KRT28: variants seen among roughly 807,000 people sequenced by gnomAD.
KRT28 encodes keratin 28.
A neutral mutation model predicts 48.1 loss-of-function variants in KRT28; 45 were observed. That is an observed-to-expected ratio of 0.94 (90% CI 0.74 to 1.20). The LOEUF is 1.20. KRT28 is among the 50% of genes most tolerant of loss of function. KRT28 has a pLI of 0.00. For synonymous variants in KRT28, 228 were observed against 227.4 expected, an observed-to-expected ratio of 1.00 and a Z score of -0.03; for missense variants, 571 against 574.1, an observed-to-expected ratio of 0.99 and a Z score of 0.06.
In KRT28 at chr17:40,799,592, A is replaced by G; in HGVS notation, c.302T>C (p.Leu101Pro). 6.2e-7 allele frequency: 1 copy of G among 1,614,170 alleles called. No homozygotes were observed. Among genetic ancestry groups the G allele is most frequent in the Non-Finnish European group, 8.5e-7 (1 of 1,180,018 alleles). Reference sequence around the variant, plus strand: ...CTCCTCCAGAGCTCGCACATTATCCAGGTAGGATGCCAAGCGGTCATTAAG... The same window carrying G: ...CTCCTCCAGAGCTCGCACATTATCCGGGTAGGATGCCAAGCGGTCATTAAG... The part of the protein sequence containing the change: ...QNLNDRLASY[L>P]DNVRALEEAN... Residue 101 changes from leucine (L) to proline (P), a missense_variant, in exon 1 of 8, where the codon CTG becomes CCG. Physicochemically the swap from Leu to Pro is moderately conservative, Grantham distance 98. Transcript: ENST00000306658.
intron 2 of KRT28, 140 bp from the exon 3 acceptor site, chr17:40,798,531 T>G: frequency 1.2e-6 from 1 of 854,026 alleles, no homozygotes; most frequent in Non-Finnish European, 1.7e-6. Flanking sequence ...AAGAAAGCGC[T>G]CCTGCATTAC....
intron 2 of KRT28, 32 bp from the exon 3 acceptor site, chr17:40,798,423 A>G (rs1331850735): frequency 1.3e-6 from 2 of 1,581,564 alleles, no homozygotes; most frequent in East Asian, 2.3e-5. Context: ...TTTCAGTGCC[A>G]GTAAGACTAC....
intron 3 of KRT28, among the ~76,000 whole-genome samples, chr17:40,797,972 C>T (rs1472028680): frequency 2.0e-5 from 3 of 152,150 alleles, no homozygotes; most frequent in South Asian, 2.1e-4. Context: ...CCCTCATAGG[C>T]ATTCATCCTA....
In KRT28 at chr17:40,798,237, C is replaced by G; in HGVS notation, c.688G>C (p.Glu230Gln). The part of the protein sequence containing the change: ...EMTYLKKNHE[E>Q]EMKALQCAAG... The stretch of plus-strand genomic sequence containing the variant: ...ACTACAGGTAAAGCTTCTCCTACCT[C>G]TTCGTGGTTCTTTTTGAGATATGTC... Residue 230 changes from glutamate (E) to glutamine (Q), a missense_variant and splice_region_variant, in exon 3 of 8, where the codon GAG becomes CAG. Glu to Gln is a conservative substitution (Grantham distance 29). Transcript: ENST00000306658. 1 of 1,602,456 alleles carries G rather than the reference C, an allele frequency of 6.2e-7. No individual in the cohort carries two copies. Among genetic ancestry groups the G allele is most frequent in the Non-Finnish European group, 8.5e-7 (1 of 1,170,124 alleles).
In KRT28 at chr17:40,793,997, G is replaced by A. The variant is rs776024934; in HGVS notation, c.1028C>T (p.Thr343Met). ...CTGAGCCTGGATCTGCGCCAGCTGC[G>A]TACAGTAGTTGCTCTCGGTCTCTGT... ...SLTETESNYC[T>M]QLAQIQAQIG... The change falls in exon 6 of 8, where the codon ACG becomes ATG. Residue 343 changes from threonine to methionine, a missense_variant. Physicochemically the swap from Thr to Met is moderately conservative, Grantham distance 81. Coordinates refer to ENST00000306658, the MANE Select transcript of KRT28 (RefSeq NM_181535.3). The A allele has an allele frequency of 6.8e-6, 11 of 1,613,792 alleles. No homozygotes were observed. Among genetic ancestry groups the A allele is most frequent in the East Asian group, 4.5e-5 (2 of 44,886 alleles).
At position 40,799,722 on chromosome 17, in the gene KRT28, C is replaced by T; in HGVS notation, c.172G>A (p.Gly58Ser). The change falls in exon 1 of 8, where the codon GGT (glycine) becomes AGT (serine). Residue 58 changes from glycine (G) to serine (S), a missense_variant. Physicochemically the swap from Gly to Ser is moderately conservative, Grantham distance 56. Coordinates refer to ENST00000306658, the MANE Select transcript of KRT28 (RefSeq NM_181535.3). The part of the protein sequence containing the change: ...ALGGGLGSVP[G>S]GSHAGGALGN... ...AGGGCACCACCAGCATGGCTCCCACCAGGAACACTGCCCAAGCCCCCTCCC... is the reference window on the plus strand; with the variant it reads ...AGGGCACCACCAGCATGGCTCCCACTAGGAACACTGCCCAAGCCCCCTCCC... 4 of 1,614,052 alleles carry T rather than the reference C, an allele frequency of 2.5e-6. No homozygotes were observed. The highest frequency in any genetic ancestry group is 1.3e-5 in the African/African-American group (1 of 74,990).
Position 40,798,361 on chromosome 17 carries a change from G to A in KRT28, c.564C>T (p.Asn188=), listed in dbSNP as rs760078157. ...KYENELTLHQ[N]VEADINGLRR... is the part of the protein sequence containing the mutation. ...GTAATCCGTTGATGTCGGCCTCTAC[G>A]TTTTGGTGAAGGGTGAGCTCATTTT... Residue 188 remains asparagine, a synonymous_variant, in exon 3 of 8, where the codon AAC becomes AAT. Transcript: ENST00000306658. 37 of 1,611,466 alleles carry A rather than the reference G, an allele frequency of 2.3e-5. No homozygotes were observed. The highest frequency in any genetic ancestry group is 3.0e-5 in the Non-Finnish European group (35 of 1,178,596).
intron 5 of KRT28, among the ~76,000 whole-genome samples, chr17:40,794,706 G>A (rs955093311): frequency 1.3e-5 from 2 of 151,986 alleles, no homozygotes; most frequent in African/African-American, 4.8e-5. Context: ...ATTTGTCTTG[G>A]CACCTGCTGC....
intron 6 of KRT28, 116 bp from the exon 7 acceptor site, chr17:40,793,326 A>G: frequency 1.7e-6 from 1 of 584,374 alleles, no homozygotes; most frequent in South Asian, 2.9e-5. Flanking sequence ...TTTTCTATAG[A>G]GGAAACTCTT....
chr17:40,796,498 A>G (rs912224132), intron 5 of KRT28, among the ~76,000 whole-genome samples: 6 of 152,026 alleles, frequency 3.9e-5, no homozygotes, highest in African/African-American at 1.4e-4. Flanking sequence ...GGCTTCTAAT[A>G]TGTCTTCATC....
rs772378589 is a variant in KRT28 at position 40,798,272 on chromosome 17, C to G, written c.653G>C (p.Ser218Thr). 1.9e-6 allele frequency: 3 copies of G among 1,612,462 alleles called. No individual in the cohort carries two copies. In the South Asian group the frequency reaches 3.3e-5, roughly 18 times the overall value. The change falls in exon 3 of 8, where the codon AGT (serine) becomes ACT (threonine). Residue 218 changes from serine (S) to threonine (T), a missense_variant. Physicochemically the swap from Ser to Thr is moderately conservative, Grantham distance 58. Transcript: ENST00000306658. ...CTTTTTGAGATATGTCATCTCCTCA[C>G]TCAGAGACTCATATTGCAGCTCCTG... is the stretch of plus-strand genomic sequence containing the variant. Reference protein sequence around the residue: ...TDQELQYESLSEEMTYLKKNH... With the variant: ...TDQELQYESLTEEMTYLKKNH...
Position 40,797,258 on chromosome 17 carries a change from C to T in KRT28, c.714G>A (p.Ala238=), listed in dbSNP as rs750827956. ...HEEEMKALQC[A]AGGNVNVEMN... The stretch of plus-strand genomic sequence containing the variant: ...TCTCCACGTTCACGTTGCCCCCAGC[C>T]GCGCACTGCAGAGCCTTCATCTCCT... Residue 238 remains alanine (A), a synonymous_variant, in exon 4 of 8, where the codon GCG becomes GCA. Transcript: ENST00000306658. The T allele has an allele frequency of 1.4e-5, 22 of 1,613,794 alleles. No individual in the cohort carries two copies. The highest frequency in any genetic ancestry group is 4.4e-5 in the South Asian group (4 of 91,058).
intron 6 of KRT28, 50 bp downstream of exon 6, chr17:40,793,779 T>A: frequency 6.3e-7 from 1 of 1,581,020 alleles, no homozygotes. Flanking sequence ...GCAGCCCACA[T>A]TTGTAGCTTA....
At position 40,793,766 on chromosome 17, in the gene KRT28, T is replaced by C. The variant is rs973789551; in HGVS notation, c.1196+63A>G. The C allele has an allele frequency of 9.3e-6, 14 of 1,508,806 alleles. No homozygotes were observed. In the African/African-American group the frequency reaches 1.7e-4, roughly 18 times the overall value. 93.5% of individuals were successfully genotyped at this position (1,508,806 alleles called of 1,614,324 possible). ...AAGGCTTGGAAGTATGGAAGGCTAA[T>C]GGGCAGCCCACATTTGTAGCTTAAA... On this transcript the variant is annotated intron_variant, in intron 6 of 7. Coordinates refer to ENST00000306658, the MANE Select transcript of KRT28 (RefSeq NM_181535.3).
At position 40,792,347 on chromosome 17, in the gene KRT28, G is replaced by A. The variant is rs1482977710; in HGVS notation, c.*80C>T. On this transcript the variant is annotated 3_prime_UTR_variant, in exon 8 of 8. Coordinates refer to ENST00000306658, the MANE Select transcript of KRT28 (RefSeq NM_181535.3). ...TAATGTATCTTTAAAAGTAAAAAGTGTGTATATTCTCTCTGATATTTAGAA... is the reference window on the plus strand; with the variant it reads ...TAATGTATCTTTAAAAGTAAAAAGTATGTATATTCTCTCTGATATTTAGAA... The A allele has an allele frequency of 4.3e-6, 5 of 1,170,230 alleles. No individual in the cohort carries two copies. The East Asian group carries it at 1.0e-4, about 23-fold the overall frequency. 72.5% of individuals were successfully genotyped at this position (1,170,230 alleles called of 1,614,324 possible). A position where few individuals can be genotyped will look rare whatever the true frequency, so the allele number is the denominator to read the frequency against.
At chr17:40,793,298 G>C in intron 6 of KRT28, 88 bp from the exon 7 acceptor site, 1 of 798,622 alleles carries the variant, frequency 1.3e-6, no homozygotes, top group Non-Finnish European at 1.9e-6. Flanking sequence ...AAATTTGTAT[G>C]CCAAAAACAG....
chr17:40,797,594 C>G (rs1022555805), intron 3 of KRT28, among the ~76,000 whole-genome samples: 1 of 151,982 alleles, frequency 6.6e-6, no homozygotes, highest in African/African-American at 2.4e-5. Flanking sequence ...ACTAAAAATA[C>G]AAAAATTAGC....
chr17:40,795,476 G>A (rs1231176318), intron 5 of KRT28, among the ~76,000 whole-genome samples: 4 of 152,106 alleles, frequency 2.6e-5, no homozygotes, highest in African/African-American at 9.7e-5. Context: ...GTACATCACA[G>A]GAAGCAAACG....
At chr17:40,797,390 A>G in intron 3 of KRT28, 109 bp from the exon 4 acceptor site, 1 of 1,021,876 alleles carries the variant, frequency 9.8e-7, no homozygotes, top group Non-Finnish European at 1.4e-6. Context: ...CAGGTGTATA[A>G]TTTATGGCAC....
Sources: gnomAD v4.1 joint callset for allele counts (sites outside exome capture counted in the v4.1 genomes callset) on GRCh38, gnomAD v4.1.1 for gene constraint, MANE v1.5 for transcripts, NCBI Gene and HGNC (gene_info 2026-07-23, HGNC 2026-07-21) for gene names.